Variants in GTF2A2 observed in about 807,000 individuals in gnomAD.
GTF2A2 encodes general transcription factor IIA subunit 2, also known as transcription initiation factor IIA subunit 2.
Under a neutral mutation model 14.3 loss-of-function variants are expected in GTF2A2, and 9 were observed. The observed-to-expected ratio is 0.63, with a 90% CI of 0.38 to 1.10. GTF2A2 has a LOEUF of 1.10. Among genes scored for constraint, GTF2A2 ranks in the 50% least tolerant of loss-of-function variants. The pLI, the probability that GTF2A2 is intolerant of heterozygous loss-of-function variation, is 0.01. For missense variants in GTF2A2, 90 were observed against 124.6 expected (o/e 0.72, Z 1.32); for synonymous variants, 56 against 46.0 (o/e 1.22, Z -0.88).
intron 1 of GTF2A2, among the ~76,000 whole-genome samples, chr15:59,653,814 A>G (rs1891864438): frequency 6.6e-6 from 1 of 152,156 alleles, no homozygotes; most frequent in Admixed American, 6.5e-5. Context: ...ACTCTTGCAA[A>G]TATGCTCTGT....
chr15:59,644,304 G>C (rs1005972561), intron 3 of GTF2A2: 1 of 152,188 alleles, frequency 6.6e-6, no homozygotes, highest in African/African-American at 2.4e-5. Context: ...AAATTTAGTA[G>C]GCAACACTTA....
intron 3 of GTF2A2, among the ~76,000 whole-genome samples, chr15:59,644,825 C>T (rs1200863982): frequency 1.3e-5 from 2 of 152,160 alleles, no homozygotes; most frequent in Admixed American, 6.5e-5. Flanking sequence ...AAAGGAGAAC[C>T]TTGGAAAACC....
intron 4 of GTF2A2, among the ~76,000 whole-genome samples, chr15:59,641,844 G>C (rs1438841751): frequency 6.6e-6 from 1 of 152,158 alleles, no homozygotes; most frequent in East Asian, 1.9e-4. Context: ...TGAAAAGCCT[G>C]ATAAACACTT....
chr15:59,639,702 C>T (rs2141954005), intron 4 of GTF2A2, among the ~76,000 whole-genome samples: 1 of 152,044 alleles, frequency 6.6e-6, no homozygotes, highest in East Asian at 1.9e-4. Context: ...TCGTGATCTG[C>T]CCGCCTCGGC....
At chr15:59,652,410 T>A in intron 1 of GTF2A2, 84 bp from the exon 2 acceptor site, 1 of 590,820 alleles carries the variant, frequency 1.7e-6, no homozygotes, top group Non-Finnish European at 3.0e-6. Context: ...CCTCAAATAT[T>A]CTAATATAGA....
chr15:59,655,688 T>A (rs1195044933), intron 1 of GTF2A2, among the ~76,000 whole-genome samples: 1 of 152,208 alleles, frequency 6.6e-6, no homozygotes, highest in Non-Finnish European at 1.5e-5. Context: ...CTGCTGATGA[T>A]CCCCAAATTC....
At chr15:59,639,222 T>A in intron 4 of GTF2A2, 65 bp from the exon 5 acceptor site, 2 of 978,444 alleles carry the variant, frequency 2.0e-6, no homozygotes, top group Non-Finnish European at 3.3e-6. Context: ...TACAATTAAC[T>A]ATTTTAAGAC....
chr15:59,645,600 T>A (rs1268305289), intron 3 of GTF2A2, among the ~76,000 whole-genome samples: 3 of 152,110 alleles, frequency 2.0e-5, no homozygotes, highest in African/African-American at 7.2e-5. Flanking sequence ...GACACAAAAT[T>A]GTAAGCCTAT....
At chr15:59,646,875 AAT>A (rs1292416399) in intron 3 of GTF2A2, among the ~76,000 whole-genome samples, 1 of 151,924 alleles carries the variant, frequency 6.6e-6, no homozygotes, top group Non-Finnish European at 1.5e-5. Flanking sequence ...TCTAACATGA[AAT>A]AAGCTTTTCT....
intron 4 of GTF2A2, among the ~76,000 whole-genome samples, chr15:59,641,181 CTTTTTTT>C (rs374075324): frequency 2.8e-5 from 4 of 141,358 alleles, no homozygotes; most frequent in Admixed American, 7.0e-5. Context: ...CAGCAAGACT[CTTTTTTT>C]TTTTTTTTTT....
intron 1 of GTF2A2, chr15:59,657,180 C>T (rs1891973587): frequency 6.6e-6 from 1 of 152,280 alleles, no homozygotes; most frequent in Non-Finnish European, 1.5e-5. Context: ...TCTGTGGGCG[C>T]CCCGTGAACG....
intron 3 of GTF2A2, among the ~76,000 whole-genome samples, chr15:59,643,472 C>G (rs1479573487): frequency 3.9e-5 from 6 of 152,064 alleles, no homozygotes; most frequent in Admixed American, 1.3e-4. Context: ...CCGCCTCAGC[C>G]TCCCAAAGTG....
At position 59,652,198 on chromosome 15, in the gene GTF2A2, T is replaced by A; in HGVS notation, c.72+8A>T. 6.7e-7 allele frequency: 1 copy of A among 1,501,652 alleles called. No homozygotes were observed. Among genetic ancestry groups the A allele is most frequent in the Non-Finnish European group, 9.2e-7 (1 of 1,084,766 alleles). The allele number at this position is 1,501,652 out of a possible 1,614,324, so 93.0% of individuals were successfully genotyped here. On this transcript the variant is annotated splice_region_variant and intron_variant, in intron 2 of 4. Coordinates refer to ENST00000396060, the MANE Select transcript of GTF2A2 (RefSeq NM_004492.3). ...TAAAAATGTTTGATTTTTAATTCAG[T>A]CTCCCACCTGTATGAGCTCATCTAG...
chr15:59,656,739 G>C (rs1181994109), intron 1 of GTF2A2: 1 of 152,082 alleles, frequency 6.6e-6, no homozygotes, highest in Non-Finnish European at 1.5e-5. Context: ...TGTCCCATTT[G>C]ACAAATTTTT....
intron 3 of GTF2A2, among the ~76,000 whole-genome samples, chr15:59,643,999 A>G (rs1891521227): frequency 6.6e-6 from 1 of 152,116 alleles, no homozygotes; most frequent in South Asian, 2.1e-4. Flanking sequence ...GGTTCAAGTG[A>G]TTCTCCTGCC....
At chr15:59,642,406 A>C (rs1377728291) in intron 3 of GTF2A2, 144 bp from the exon 4 acceptor site, 4 of 635,024 alleles carry the variant, frequency 6.3e-6, no homozygotes, top group African/African-American at 1.9e-5. Context: ...AATCCTAGCT[A>C]TTAAAAAAAC....
rs530546501 is a variant in GTF2A2, at chr15:59,639,152, C to T, written c.310G>A (p.Gly104Ser). 4.0e-5 allele frequency: 58 copies of T among 1,454,876 alleles called. No homozygotes were observed. The highest frequency in any genetic ancestry group is 5.4e-5 in the Non-Finnish European group (56 of 1,038,824). 90.1% of individuals were successfully genotyped at this position (1,454,876 alleles called of 1,614,324 possible). Residue 104 changes from glycine (G) to serine (S), a missense_variant, in exon 5 of 5, where the codon GGC becomes AGC. Transcript: ENST00000396060. ...KIVACDGKNT[G>S]SNTTE is the part of the protein sequence containing the mutation. The stretch of plus-strand genomic sequence containing the variant: ...TCTATTCATTCTGTAGTATTGGAGC[C>T]AGTATCTAGGAAACAAAAGAGAAAG...
In GTF2A2 at chr15:59,638,858, GT is replaced by G. The variant is rs1174153798; in HGVS notation, c.*273del. 5.6e-6 allele frequency: 2 copies of G among 358,010 alleles called. No individual in the cohort carries two copies. The highest frequency in any genetic ancestry group is 2.1e-5 in the African/African-American group (1 of 47,150). The allele number at this position is 358,010 out of a possible 1,614,324, so 22.2% of individuals were successfully genotyped here. A position where few individuals can be genotyped will look rare whatever the true frequency, so the allele number is the denominator to read the frequency against. Reference sequence around the variant, plus strand: ...TATTGCTACCTTAATAGCTTCACCAGTTATTACTCAGAGTTTTAAAATGAGT... The same window carrying G: ...TATTGCTACCTTAATAGCTTCACCAGTATTACTCAGAGTTTTAAAATGAGT... On this transcript the variant is annotated 3_prime_UTR_variant, in exon 5 of 5. Coordinates refer to ENST00000396060, the MANE Select transcript of GTF2A2 (RefSeq NM_004492.3).
At chr15:59,648,179 C>T (rs919496092) in intron 3 of GTF2A2, among the ~76,000 whole-genome samples, 6 of 151,736 alleles carry the variant, frequency 4.0e-5, no homozygotes, top group Non-Finnish European at 8.8e-5. Flanking sequence ...GAGGCCGAGG[C>T]GGGCGGATCA....
Sources: allele counts gnomAD v4.1 joint callset (sites outside exome capture counted in the v4.1 genomes callset), GRCh38; gene constraint gnomAD v4.1.1; transcripts MANE v1.5; gene names NCBI Gene and HGNC (gene_info 2026-07-23, HGNC 2026-07-21).